FER: variants seen among roughly 807,000 people sequenced by gnomAD.
The protein encoded by FER is tyrosine-protein kinase Fer.
Under a neutral mutation model 111.0 loss-of-function variants are expected in FER, and 63 were observed. The ratio of observed to expected loss-of-function variants is 0.57; its 90% confidence interval spans 0.46 to 0.70. FER has a LOEUF of 0.70. Among genes scored for constraint, FER ranks in the 30% least tolerant of loss-of-function variants. The pLI, the probability that FER is intolerant of heterozygous loss-of-function variation, is 0.00. For synonymous variants in FER, 327 were observed against 313.9 expected (o/e 1.04, Z -0.44); for missense variants, 914 against 954.0 (o/e 0.96, Z 0.55).
intron 5 of FER, among the ~76,000 whole-genome samples, chr5:108,866,452 G>A (rs114825942): frequency 3.2e-3 from 488 of 152,208 alleles, no homozygotes; most frequent in Admixed American, 3.9e-3. Context: ...GGGGGAAGGG[G>A]GAGTGATAGC....
intron 3 of FER, among the ~76,000 whole-genome samples, chr5:108,799,960 C>T (rs926685690): frequency 1.3e-5 from 2 of 151,352 alleles, no homozygotes; most frequent in Non-Finnish European, 2.9e-5. Context: ...CTTGTGTCTC[C>T]GCCTCATGAG....
chr5:108,947,962 T>C (rs1757205955), intron 11 of FER, among the ~76,000 whole-genome samples: 1 of 152,026 alleles, frequency 6.6e-6, no homozygotes, highest in Non-Finnish European at 1.5e-5. Context: ...GCTCAAGTGA[T>C]CCTCCCTCCT....
At chr5:108,793,098 A>G (rs930089811) in intron 2 of FER, among the ~76,000 whole-genome samples, 1 of 152,174 alleles carries the variant, frequency 6.6e-6, no homozygotes, top group East Asian at 1.9e-4. Context: ...TTGTGCTATC[A>G]GGTACTAGGT....
chr5:109,070,081 G>A (rs1456980606), intron 16 of FER, among the ~76,000 whole-genome samples: 1 of 151,726 alleles, frequency 6.6e-6, no homozygotes, highest in African/African-American at 2.4e-5. Context: ...GTCCATTTAT[G>A]TGGTTTTTTG....
At chr5:108,790,353 A>T (rs1413699509) in intron 2 of FER, among the ~76,000 whole-genome samples, 3 of 152,046 alleles carry the variant, frequency 2.0e-5, no homozygotes, top group Admixed American at 6.5e-5. Context: ...AAATAAGATT[A>T]TTGAAGTTAG....
intron 13 of FER, among the ~76,000 whole-genome samples, chr5:108,989,928 A>T (rs1198019835): frequency 6.6e-6 from 1 of 151,962 alleles, no homozygotes; most frequent in African/African-American, 2.4e-5. Flanking sequence ...AGTTATTGTA[A>T]GCAGTCACAT....
In FER at chr5:108,789,426, C is replaced by A. The variant is rs147537583; in HGVS notation, c.-59-8698C>A. On this transcript the variant is annotated intron_variant, in intron 2 of 19. Transcript: ENST00000281092. ...ATCTCTATTTCCTGAAATACATTTC[C>A]CATTTGACTTTCTATATTCTAAATC... is the stretch of plus-strand genomic sequence containing the variant. Among the ~76,000 whole-genome samples, 464 of 151,834 alleles carry A rather than the reference C, an allele frequency of 3.1e-3. 1 individual carries two copies. The highest frequency in any genetic ancestry group is 5.0e-3 in the Admixed American group (77 of 15,254).
At chr5:109,064,651 C>T (rs893562554) in intron 16 of FER, among the ~76,000 whole-genome samples, 4 of 152,106 alleles carry the variant, frequency 2.6e-5, no homozygotes, top group East Asian at 1.9e-4. Flanking sequence ...TTCTGAGCTT[C>T]GATGGCATTT....
At chr5:108,903,618 A>G (rs757623862) in intron 10 of FER, among the ~76,000 whole-genome samples, 11 of 152,212 alleles carry the variant, frequency 7.2e-5, no homozygotes, top group Non-Finnish European at 1.6e-4. Flanking sequence ...TTTCTGTGAC[A>G]CTGAAATGAG....
intron 13 of FER, among the ~76,000 whole-genome samples, chr5:108,984,074 T>C (rs543662807): frequency 6.6e-6 from 1 of 152,226 alleles, no homozygotes; most frequent in South Asian, 2.1e-4. Flanking sequence ...TGGGGACTCA[T>C]TTAATTTTTC....
At chr5:108,973,607 G>A (rs1185938882) in intron 13 of FER, among the ~76,000 whole-genome samples, 3 of 151,972 alleles carry the variant, frequency 2.0e-5, no homozygotes, top group East Asian at 3.9e-4. Flanking sequence ...ATCCTTGAAC[G>A]TTGATTGATA....
chr5:108,756,957 G>A (rs1009137969), intron 1 of FER, among the ~76,000 whole-genome samples: 3 of 152,122 alleles, frequency 2.0e-5, no homozygotes, highest in Admixed American at 6.5e-5. Flanking sequence ...AAAGTGTGAT[G>A]CACTTTTGTA....
intron 1 of FER, among the ~76,000 whole-genome samples, chr5:108,754,046 A>G (rs918686150): frequency 4.6e-5 from 7 of 152,202 alleles, no homozygotes; most frequent in African/African-American, 1.7e-4. Flanking sequence ...ATTAGAATGC[A>G]GATGATTGAG....
At chr5:108,835,184 A>AACCC (rs1481952095) in intron 4 of FER, among the ~76,000 whole-genome samples, 42 of 28,870 alleles carry the variant, frequency 1.5e-3, no homozygotes, top group East Asian at 2.7e-3. Context: ...CGTTTGCGCC[A>AACCC]CCCCCCCCCC....
rs1277867043 is a variant in FER at position 108,867,965 on chromosome 5, C to T, written c.665+15C>T. 1.3e-6 allele frequency: 2 copies of T among 1,587,846 alleles called. No individual in the cohort carries two copies. The highest frequency in any genetic ancestry group is 3.8e-5 in the Admixed American group (2 of 53,294). ...ATAAAAGCACTGTAAGATACATTTT[C>T]TTTTTATCATAAAATCCCTTCACAA... is the stretch of plus-strand genomic sequence containing the variant. On this transcript the variant is annotated intron_variant, in intron 6 of 19. Transcript: ENST00000281092.
At chr5:108,786,407 G>A (rs1345149192) in intron 2 of FER, among the ~76,000 whole-genome samples, 4 of 152,166 alleles carry the variant, frequency 2.6e-5, no homozygotes, top group African/African-American at 9.7e-5. Context: ...TGGCCTGGTT[G>A]GGGTAGTATT....
In FER at chr5:109,187,618, C is replaced by T. The variant is rs1180614135; in HGVS notation, c.*43C>T. ...ACTCAGCCTTCAGGACTCTGTCCTC[C>T]AGCAGAGTAACATTATTGTTCTCAT... On this transcript the variant is annotated 3_prime_UTR_variant, in exon 20 of 20. Coordinates refer to ENST00000281092, the MANE Select transcript of FER (RefSeq NM_005246.4). 2 of 1,604,672 alleles carry T rather than the reference C, an allele frequency of 1.2e-6. No individual in the cohort carries two copies. Among genetic ancestry groups the T allele is most frequent in the Non-Finnish European group, 1.7e-6 (2 of 1,173,022 alleles).
At chr5:108,816,652 T>C (rs573020405) in intron 3 of FER, among the ~76,000 whole-genome samples, 189 of 152,284 alleles carry the variant, frequency 1.2e-3, no homozygotes, top group Admixed American at 2.1e-3. Flanking sequence ...TTTTGTACAA[T>C]CTCATGGTTA....
chr5:109,037,959 A>T (rs1172636523), intron 14 of FER, among the ~76,000 whole-genome samples: 1 of 151,914 alleles, frequency 6.6e-6, no homozygotes, highest in Non-Finnish European at 1.5e-5. Context: ...CAATCTAAAA[A>T]TGTGGACAAG....
Sources: gnomAD v4.1 joint callset for allele counts (sites outside exome capture counted in the v4.1 genomes callset) on GRCh38, gnomAD v4.1.1 for gene constraint, MANE v1.5 for transcripts, NCBI Gene and HGNC (gene_info 2026-07-23, HGNC 2026-07-21) for gene names.